Variants in ADGRL3 observed in about 807,000 individuals in gnomAD.
The protein encoded by ADGRL3 is calcium-independent alpha-latrotoxin receptor 3.
A neutral mutation model predicts 153.5 loss-of-function variants in ADGRL3; 62 were observed. The observed-to-expected ratio is 0.40, with a 90% confidence interval of 0.33 to 0.50. The LOEUF (loss-of-function observed/expected upper bound fraction) is 0.50, where lower values mean the gene tolerates loss of function less well. Among genes scored for constraint, ADGRL3 ranks in the 20% least tolerant of loss-of-function variants. ADGRL3 has a pLI of 0.47. For missense variants in ADGRL3, 1,641 were observed against 1,859.4 expected, an observed-to-expected ratio of 0.88 and a Z score of 2.16; for synonymous variants, 710 against 672.5, an observed-to-expected ratio of 1.06 and a Z score of -0.86.
chr4:62,009,152 G>A, intron 21 of ADGRL3, among the ~76,000 whole-genome samples: 1 of 152,088 alleles, frequency 6.6e-6, no homozygotes. Flanking sequence ...GACTGTATAT[G>A]CTTTCTAGAA....
intron 2 of ADGRL3, among the ~76,000 whole-genome samples, chr4:61,461,191 C>T (rs941830962): frequency 1.4e-4 from 21 of 152,194 alleles, no homozygotes; most frequent in East Asian, 3.9e-4. Flanking sequence ...TCCCACAATA[C>T]GTGGGAATTA....
At chr4:61,727,182 G>A (rs2096363554) in intron 6 of ADGRL3, among the ~76,000 whole-genome samples, 2 of 151,674 alleles carry the variant, frequency 1.3e-5, no homozygotes, top group Non-Finnish European at 2.9e-5. Flanking sequence ...TAAACTCTTG[G>A]GAAATATAGA....
intron 6 of ADGRL3, among the ~76,000 whole-genome samples, chr4:61,712,660 A>G (rs2096018895): frequency 6.6e-6 from 1 of 152,188 alleles, no homozygotes; most frequent in Admixed American, 6.6e-5. Flanking sequence ...ATTCACTACC[A>G]TATATCCCAA....
chr4:61,396,176 G>T (rs1279291838), intron 2 of ADGRL3, among the ~76,000 whole-genome samples: 2 of 151,788 alleles, frequency 1.3e-5, no homozygotes, highest in African/African-American at 4.8e-5. Context: ...ATGTCATCTA[G>T]TACAACATCC....
Position 61,209,376 on chromosome 4 carries a change from G to A in ADGRL3, c.-240+7611G>A, listed in dbSNP as rs191565716. ...CATTGCTGGTTTGAGTAGAGTAATA[G>A]GAAGTAAATATAAAAGTACCTGGTG... is the stretch of plus-strand genomic sequence containing the variant. On this transcript the variant is annotated intron_variant, in intron 1 of 26. Transcript: ENST00000683033. 6.4e-4 allele frequency among the ~76,000 whole-genome samples: 98 copies of A among 152,188 alleles called. 1 individual carries two copies. Among genetic ancestry groups the A allele is most frequent in the Non-Finnish European group, 3.5e-4 (24 of 67,990 alleles).
At chr4:61,305,430 T>G (rs1251163222) in intron 1 of ADGRL3, among the ~76,000 whole-genome samples, 1 of 152,090 alleles carries the variant, frequency 6.6e-6, no homozygotes, top group East Asian at 1.9e-4. Context: ...GTGGAATGGG[T>G]TGTAAAATCA....
rs1195856458 is a variant in ADGRL3, at chr4:61,705,042, C to G, written c.584-25580C>G. On this transcript the variant is annotated intron_variant, in intron 6 of 26. Coordinates refer to ENST00000683033, the MANE Select transcript of ADGRL3 (RefSeq NM_001387552.1). ...ACCACCTTCTAGTGATTGAGTTGAA[C>G]AAACTCCTGTTAATGTTGAGATTTA... Among the ~76,000 whole-genome samples, 3 of 152,154 alleles carry G rather than the reference C, an allele frequency of 2.0e-5. No homozygotes were observed. The East Asian group carries it at 5.8e-4, about 29-fold the overall frequency.
At chr4:61,392,516 T>C (rs1578608977) in intron 2 of ADGRL3, among the ~76,000 whole-genome samples, 1 of 150,750 alleles carries the variant, frequency 6.6e-6, no homozygotes, top group African/African-American at 2.4e-5. Context: ...TGAAACCCCA[T>C]CTCTACTAAG....
chr4:61,251,460 T>A (rs1427527488), intron 1 of ADGRL3, among the ~76,000 whole-genome samples: 1 of 152,202 alleles, frequency 6.6e-6, no homozygotes, highest in Non-Finnish European at 1.5e-5. Flanking sequence ...TCCCATGGCA[T>A]CACTTTTGCC....
chr4:61,596,578 A>G (rs2098989995), intron 5 of ADGRL3, among the ~76,000 whole-genome samples: 1 of 152,174 alleles, frequency 6.6e-6, no homozygotes, highest in African/African-American at 2.4e-5. Context: ...CTGTCTACCA[A>G]TCATAAGCTT....
At chr4:61,366,035 T>C (rs1002725746) in intron 1 of ADGRL3, among the ~76,000 whole-genome samples, 1 of 152,202 alleles carries the variant, frequency 6.6e-6, no homozygotes, top group African/African-American at 2.4e-5. Flanking sequence ...TATAATTTTG[T>C]TTGGCAAAGA....
intron 17 of ADGRL3, among the ~76,000 whole-genome samples, chr4:61,962,324 ATTG>A (rs1412957970): frequency 1.3e-5 from 2 of 152,198 alleles, no homozygotes; most frequent in African/African-American, 4.8e-5. Context: ...TAAGAACATT[ATTG>A]TTAACACAAA....
At chr4:62,017,005 G>A (rs550633856) in intron 21 of ADGRL3, among the ~76,000 whole-genome samples, 71 of 151,994 alleles carry the variant, frequency 4.7e-4, no homozygotes, top group African/African-American at 1.7e-3. Flanking sequence ...TACTAAGTAA[G>A]AAAATATTAC....
chr4:61,520,080 T>C (rs1007770780), intron 4 of ADGRL3, among the ~76,000 whole-genome samples: 4 of 152,156 alleles, frequency 2.6e-5, no homozygotes, highest in African/African-American at 7.2e-5. Flanking sequence ...TGATAGCTAA[T>C]AGCACTTGAG....
intron 8 of ADGRL3, among the ~76,000 whole-genome samples, chr4:61,781,375 GT>G (rs1387172056): frequency 1.4e-5 from 2 of 145,334 alleles, no homozygotes; most frequent in Non-Finnish European, 3.0e-5. Context: ...AAAAAAGAAA[GT>G]GTTGTCTCAC....
At chr4:61,566,505 A>AT (rs1303566976) in intron 4 of ADGRL3, among the ~76,000 whole-genome samples, 2 of 151,884 alleles carry the variant, frequency 1.3e-5, no homozygotes, top group African/African-American at 4.8e-5. Flanking sequence ...GATCTGGAAA[A>AT]TTTTTTTCCT....
At chr4:62,068,286 C>T in intron 26 of ADGRL3, 103 bp downstream of exon 26, 1 of 1,083,376 alleles carries the variant, frequency 9.2e-7, no homozygotes, top group Admixed American at 2.6e-5. Context: ...CAGTTCATCT[C>T]ACAATTTAAA....
In ADGRL3 at chr4:61,431,692, C is replaced by T. The variant is rs376946789; in HGVS notation, c.-174+48503C>T. Among the ~76,000 whole-genome samples, 47 of 152,180 alleles carry T rather than the reference C, an allele frequency of 3.1e-4. No individual in the cohort carries two copies. The South Asian group carries it at 7.5e-3, about 24-fold the overall frequency. Reference sequence around the variant, plus strand: ...AGGAAAGCAAGAACATTTTAAGAGGCGGACTAGTATTAAATCTACCTCAGA... The same window carrying T: ...AGGAAAGCAAGAACATTTTAAGAGGTGGACTAGTATTAAATCTACCTCAGA... On this transcript the variant is annotated intron_variant, in intron 2 of 26. Coordinates refer to ENST00000683033, the MANE Select transcript of ADGRL3 (RefSeq NM_001387552.1).
intron 6 of ADGRL3, among the ~76,000 whole-genome samples, chr4:61,685,072 C>T (rs971781825): frequency 2.6e-5 from 4 of 151,912 alleles, no homozygotes; most frequent in African/African-American, 9.7e-5. Context: ...TGCACCATCA[C>T]ACCTGGCTAA....
Sources: allele counts gnomAD v4.1 joint callset (sites outside exome capture counted in the v4.1 genomes callset), GRCh38; gene constraint gnomAD v4.1.1; transcripts MANE v1.5; gene names NCBI Gene and HGNC (gene_info 2026-07-23, HGNC 2026-07-21).